Variants in RSRP1 observed in about 807,000 individuals in gnomAD.
RSRP1 encodes arginine and serine rich protein 1, also known as arginine/serine-rich protein 1.
RSRP1 carries 37 observed loss-of-function variants against 33.0 expected under a neutral mutation model. The ratio of observed to expected loss-of-function variants is 1.12; its 90% CI spans 0.86 to 1.48. The LOEUF is 1.48. Among genes scored for constraint, RSRP1 ranks in the 40% most tolerant of loss-of-function variants. RSRP1 has a pLI of 0.00. For missense variants in RSRP1, 402 were observed against 385.3 expected, an observed-to-expected ratio of 1.04 and a Z score of -0.36; for synonymous variants, 167 against 158.7, an observed-to-expected ratio of 1.05 and a Z score of -0.40.
intron 1 of RSRP1, chr1:25,284,479 C>CT (rs1401465812): frequency 1.7e-6 from 2 of 1,158,526 alleles, no homozygotes; most frequent in African/African-American, 3.1e-5. Context: ...TTGCATGCCC[C>CT]TTCCAGCTGC....
chr1:25,246,320 TC>T, intron 2 of RSRP1, 123 bp downstream of exon 2: 1 of 1,443,352 alleles, frequency 6.9e-7, no homozygotes, highest in Admixed American at 2.2e-5. Flanking sequence ...CCCTCTTTCC[TC>T]CAAAAAGATT....
In RSRP1 at chr1:25,306,945, G is replaced by A. The variant is rs377494946; in HGVS notation, c.-67+31033C>T. On this transcript the variant is annotated intron_variant, in intron 1 of 1. Transcript: ENST00000561867. ...AGGCCACCTCTTCTTTCCAAATAGG[G>A]CCACCTAGGTATAGACCAAAGACAC... 1.4e-4 allele frequency: 72 copies of A among 532,864 alleles called. 8 individuals carry two copies. The highest frequency in any genetic ancestry group is 1.8e-4 in the Admixed American group (8 of 43,280). The allele number at this position is 532,864 out of a possible 1,614,324, so 33.0% of individuals were successfully genotyped here. A position where few individuals can be genotyped will look rare whatever the true frequency, so the allele number is the denominator to read the frequency against.
At chr1:25,242,887 A>T (rs531471841) in intron 4 of RSRP1, among the ~76,000 whole-genome samples, 182 bp from the exon 5 acceptor site, 1 of 152,298 alleles carries the variant, frequency 6.6e-6, no homozygotes, top group Non-Finnish European at 1.5e-5. Context: ...ACGAGGTCAG[A>T]TGTAGACCAT....
intron 1 of RSRP1, 33 bp from the exon 2 acceptor site, chr1:25,247,062 T>C: frequency 7.8e-7 from 1 of 1,287,714 alleles, no homozygotes; most frequent in East Asian, 2.5e-5. Flanking sequence ...ACAAGTCGAG[T>C]CGCGGAAGCC....
At chr1:25,287,018 G>A (rs1167866499) in intron 1 of RSRP1, among the ~76,000 whole-genome samples, 35 of 134,770 alleles carry the variant, frequency 2.6e-4, no homozygotes, top group Non-Finnish European at 4.6e-4. Context: ...ACTTGAACCC[G>A]GGAGGCGGAG....
intron 1 of RSRP1, among the ~76,000 whole-genome samples, chr1:25,296,332 C>T (rs144425311): frequency 0.011 from 1,348 of 123,784 alleles, 3 homozygotes; most frequent in African/African-American, 0.035. Flanking sequence ...CTGCAACCTC[C>T]GCCTCCTGGA....
At chr1:25,287,132 C>T (rs1246091079) in intron 1 of RSRP1, among the ~76,000 whole-genome samples, 14 of 134,808 alleles carry the variant, frequency 1.0e-4, no homozygotes, top group African/African-American at 3.6e-4. Context: ...GAGTTAATTC[C>T]CACCAGAATT....
At chr1:25,252,629 G>A (rs1639825227) in intron 1 of RSRP1, among the ~76,000 whole-genome samples, 1 of 151,962 alleles carries the variant, frequency 6.6e-6, no homozygotes, top group Admixed American at 6.6e-5. Context: ...CGCCTCCTGG[G>A]TTCAAGGGAT....
At chr1:25,280,503 A>G (rs1359176112) in intron 1 of RSRP1, among the ~76,000 whole-genome samples, 1 of 124,996 alleles carries the variant, frequency 8.0e-6, no homozygotes, top group South Asian at 2.5e-4. Flanking sequence ...ACGGGGTTTC[A>G]CCATGTTGGC....
chr1:25,280,261 C>G lies in RSRP1; in HGVS notation c.-66-33232G>C, dbSNP rs190593087. Reference sequence around the variant, plus strand: ...AGGGAATCGGGATCAGGGGCAGCAGCTGTGCCCAATAAAGCCCCCACCCAG... The same window carrying G: ...AGGGAATCGGGATCAGGGGCAGCAGGTGTGCCCAATAAAGCCCCCACCCAG... On this transcript the variant is annotated intron_variant, in intron 1 of 1. Transcript: ENST00000561867. Among the ~76,000 whole-genome samples the G allele has an allele frequency of 3.1e-4, 40 of 127,076 alleles. 5 individuals carry two copies. The highest frequency in any genetic ancestry group is 2.9e-3 in the Admixed American group (38 of 13,120). The allele number at this position is 127,076 out of a possible 152,430, so 83.4% of individuals were successfully genotyped here.
chr1:25,285,118 C>A (rs181688025), intron 1 of RSRP1, among the ~76,000 whole-genome samples: 2 of 133,026 alleles, frequency 1.5e-5, no homozygotes, highest in Non-Finnish European at 3.5e-5. Context: ...ACATGCCACA[C>A]CTAGAGAGAC....
At chr1:25,251,486 C>T (rs988522983), upstream of RSRP1, among the ~76,000 whole-genome samples, 17 of 152,046 alleles carry the variant, frequency 1.1e-4, no homozygotes, top group Non-Finnish European at 2.1e-4. Flanking sequence ...TCTCCTGCCT[C>T]AGCCTCCTGA....
At chr1:25,321,823 G>C (rs552572749) in intron 1 of RSRP1, 2 of 839,716 alleles carry the variant, frequency 2.4e-6, no homozygotes, top group African/African-American at 1.6e-5. Context: ...ACAATATTTC[G>C]ATTAATCTTG....
Position 25,314,552 on chromosome 1 carries a change from G to C in RSRP1, c.-67+23426C>G, listed in dbSNP as rs1203578316. Among the ~76,000 whole-genome samples, 3 of 132,514 alleles carry C rather than the reference G, an allele frequency of 2.3e-5. 1 individual carries two copies. The highest frequency in any genetic ancestry group is 5.4e-5 in the Non-Finnish European group (3 of 55,910). The allele number at this position is 132,514 out of a possible 152,430, so 86.9% of individuals were successfully genotyped here. A position where few individuals can be genotyped will look rare whatever the true frequency, so the allele number is the denominator to read the frequency against. ...TCTGTCACCCAGGCTGGAATGCAGT[G>C]GCGCTATCTCAGCCCACTACAACCT... On this transcript the variant is annotated intron_variant, in intron 1 of 1. Coordinates refer to the RSRP1 transcript ENST00000561867.
In RSRP1 at chr1:25,274,972, A is replaced by C. The variant is rs542928935; in HGVS notation, c.-66-27943T>G. Reference sequence around the variant, plus strand: ...CAAAAAACCAAACAACAAAAACAACAACAAGAACAACAAAAAAACAAAGAG... The same window carrying C: ...CAAAAAACCAAACAACAAAAACAACCACAAGAACAACAAAAAAACAAAGAG... On this transcript the variant is annotated intron_variant, in intron 1 of 1. Transcript: ENST00000561867. 1.7e-4 allele frequency among the ~76,000 whole-genome samples: 22 copies of C among 131,684 alleles called. 6 individuals are homozygous for C. The South Asian group carries it at 5.1e-3, about 31-fold the overall frequency. The allele number at this position is 131,684 out of a possible 152,430, so 86.4% of individuals were successfully genotyped here.
rs761383962 is a variant in RSRP1, at chr1:25,245,192, T to C, written c.630A>G (p.Thr210=). The change falls in exon 3 of 5, where the codon ACA becomes ACG. Residue 210 remains threonine (T), a synonymous_variant. Coordinates refer to ENST00000243189, the MANE Select transcript of RSRP1 (RefSeq NM_020317.5). ...SLRTVPSAKE[T]SRGIGVSSNG... ...TACTTGATACACCTATTCCACGGCT[T>C]GTTTCTTTGGCTGAAGGAACAGTTC... The C allele has an allele frequency of 2.2e-5, 35 of 1,614,178 alleles. No individual in the cohort carries two copies. In the South Asian group the frequency reaches 3.0e-4, roughly 14 times the overall value.
Position 25,302,310 on chromosome 1 carries a change from A to G in RSRP1, c.-67+35668T>C, listed in dbSNP as rs529379418. Among the ~76,000 whole-genome samples, 30 of 129,236 alleles carry G rather than the reference A, an allele frequency of 2.3e-4. 8 individuals carry two copies. Among genetic ancestry groups the G allele is most frequent in the Non-Finnish European group, 4.5e-4 (25 of 54,992 alleles). The allele number at this position is 129,236 out of a possible 152,430, so 84.8% of individuals were successfully genotyped here. ...GAGAGGGGAGACAAAACAAGTTCTC[A>G]TGATGATGGGGGAAGGGGCTCCAGC... On this transcript the variant is annotated intron_variant, in intron 1 of 1. Coordinates refer to the RSRP1 transcript ENST00000561867.
chr1:25,305,750 A>T (rs574989885), intron 1 of RSRP1, among the ~76,000 whole-genome samples: 2 of 129,760 alleles, frequency 1.5e-5, no homozygotes, highest in African/African-American at 2.7e-5. Flanking sequence ...ACAGGCGCCC[A>T]CCACCACGCC....
chr1:25,320,257 A>T (rs28628791), intron 1 of RSRP1, among the ~76,000 whole-genome samples: 1 of 130,128 alleles, frequency 7.7e-6, no homozygotes, highest in African/African-American at 2.6e-5. Context: ...AGAGATTAGA[A>T]CAACAACCCT....
Sources: allele counts gnomAD v4.1 joint callset (sites outside exome capture counted in the v4.1 genomes callset), GRCh38; gene constraint gnomAD v4.1.1; transcripts MANE v1.5; gene names NCBI Gene and HGNC (gene_info 2026-07-23, HGNC 2026-07-21).